JMJD1C: variants seen among roughly 807,000 people sequenced by gnomAD.
JMJD1C encodes the protein jumonji domain-containing protein 1C.
In JMJD1C, 31 loss-of-function variants were observed where a neutral mutation model predicts 245.3. The ratio of observed to expected loss-of-function variants is 0.13; its 90% CI spans 0.09 to 0.17. The LOEUF (loss-of-function observed/expected upper bound fraction) is 0.17. Ranked by LOEUF, JMJD1C falls within the 10% of genes least tolerant of loss-of-function variation. The probability of loss-of-function intolerance (pLI) is 1.00; values close to 1 mark genes in which losing one functional copy is unlikely to be tolerated. For synonymous variants in JMJD1C, 1,057 were observed against 1,017.4 expected (o/e 1.04, Z -0.74); for missense variants, 2,691 against 3,000.2 (o/e 0.90, Z 2.41).
chr10:63,340,643 C>T (rs1297292294), intron 2 of JMJD1C, among the ~76,000 whole-genome samples: 4 of 151,954 alleles, frequency 2.6e-5, no homozygotes, highest in Middle Eastern at 3.2e-3. Context: ...ATTAATATAA[C>T]GTGAAGAAAC....
At chr10:63,450,292 C>A (rs867818345) in intron 1 of JMJD1C, among the ~76,000 whole-genome samples, 1 of 151,572 alleles carries the variant, frequency 6.6e-6, no homozygotes, top group African/African-American at 2.4e-5. Context: ...AAGGCTGTGG[C>A]AGGAGGATCA....
intron 2 of JMJD1C, among the ~76,000 whole-genome samples, chr10:63,281,131 CTTT>C (rs754461363): frequency 1.3e-4 from 16 of 122,968 alleles, no homozygotes; most frequent in Admixed American, 3.3e-4. Flanking sequence ...CACACCCGGC[CTTT>C]TTTTTTTTTT....
At chr10:63,440,194 G>A (rs1428009331) in intron 1 of JMJD1C, among the ~76,000 whole-genome samples, 4 of 152,040 alleles carry the variant, frequency 2.6e-5, no homozygotes, top group African/African-American at 4.8e-5. Flanking sequence ...AATTAGCTAA[G>A]CATGGTGGCA....
At chr10:63,461,509 T>C (rs1386546731) in intron 1 of JMJD1C, among the ~76,000 whole-genome samples, 1 of 152,230 alleles carries the variant, frequency 6.6e-6, no homozygotes, top group African/African-American at 2.4e-5. Context: ...TTTATTTATA[T>C]GCGAAATCAT....
intron 10 of JMJD1C, among the ~76,000 whole-genome samples, chr10:63,205,325 A>G (rs996053157): frequency 5.9e-5 from 9 of 152,256 alleles, no homozygotes; most frequent in Non-Finnish European, 1.3e-4. Flanking sequence ...ACCAGATGAT[A>G]TAAGAGTGAA....
At position 63,465,921 on chromosome 10, in the gene JMJD1C, C is replaced by T. The variant is rs1279306586; in HGVS notation, c.-259G>A. ...AAGAAAACTGAAACAAAACCCAACG[C>T]GGCCGTCGAAGACCCCGAGGCAGCC... On this transcript the variant is annotated 5_prime_UTR_variant, in exon 1 of 26. Coordinates refer to ENST00000399262, the MANE Select transcript of JMJD1C (RefSeq NM_032776.3). 3.3e-6 allele frequency: 2 copies of T among 605,874 alleles called. No homozygotes were observed. The highest frequency in any genetic ancestry group is 2.4e-5 in the Admixed American group (1 of 42,108). The allele number at this position is 605,874 out of a possible 1,614,324, so 37.5% of individuals were successfully genotyped here. A position where few individuals can be genotyped will look rare whatever the true frequency, so the allele number is the denominator to read the frequency against.
intron 3 of JMJD1C, among the ~76,000 whole-genome samples, chr10:63,238,992 G>C (rs1439904987): frequency 6.6e-6 from 1 of 152,112 alleles, no homozygotes; most frequent in Non-Finnish European, 1.5e-5. Flanking sequence ...AGGATACAAA[G>C]GTGAGACAAA....
intron 2 of JMJD1C, among the ~76,000 whole-genome samples, chr10:63,288,662 G>T (rs1393002765): frequency 6.6e-6 from 1 of 151,942 alleles, no homozygotes; most frequent in East Asian, 1.9e-4. Context: ...CAGCACTTTG[G>T]GAGGCCAAGG....
chr10:63,509,198 T>G (rs1173289997), intron 1 of JMJD1C, among the ~76,000 whole-genome samples: 1 of 152,226 alleles, frequency 6.6e-6, no homozygotes, highest in African/African-American at 2.4e-5. Flanking sequence ...TGATTTTCCT[T>G]CTTTAGCCTG....
intron 13 of JMJD1C, among the ~76,000 whole-genome samples, chr10:63,195,007 G>A (rs1845279362): frequency 6.6e-6 from 1 of 152,026 alleles, no homozygotes; most frequent in African/African-American, 2.4e-5. Flanking sequence ...AGCTACTTAC[G>A]ACGTGGCTAC....
At chr10:63,383,419 C>T (rs7912506) in intron 1 of JMJD1C, among the ~76,000 whole-genome samples, 3,949 of 152,238 alleles carry the variant, frequency 0.026, 128 homozygotes, top group African/African-American at 0.072. Context: ...TAAAACCCAT[C>T]GTTAAGGGTA....
At chr10:63,511,661 G>A (rs1013702431) in intron 1 of JMJD1C, among the ~76,000 whole-genome samples, 16 of 152,222 alleles carry the variant, frequency 1.1e-4, no homozygotes. Context: ...GATGCAGTGA[G>A]TGCTGAGATC....
chr10:63,197,099 G>A (rs1403094151), intron 13 of JMJD1C, among the ~76,000 whole-genome samples: 1 of 152,018 alleles, frequency 6.6e-6, no homozygotes, highest in Admixed American at 6.6e-5. Flanking sequence ...ATGAGCCACA[G>A]TGCCCGGCCC....
intron 2 of JMJD1C, among the ~76,000 whole-genome samples, chr10:63,319,583 TC>T (rs1940591681): frequency 6.6e-6 from 1 of 152,138 alleles, no homozygotes. Flanking sequence ...AAAAATTATC[TC>T]CCTTCTTAGA....
chr10:63,321,738 A>T (rs917854535), intron 2 of JMJD1C, among the ~76,000 whole-genome samples: 3 of 152,228 alleles, frequency 2.0e-5, no homozygotes, highest in African/African-American at 7.2e-5. Context: ...CAAAGGTCTG[A>T]TACTTTACAA....
At chr10:63,269,785 G>A (rs1167727143) in intron 2 of JMJD1C, among the ~76,000 whole-genome samples, 1 of 152,220 alleles carries the variant, frequency 6.6e-6, no homozygotes, top group East Asian at 1.9e-4. Context: ...ATAGTTCTAA[G>A]ATACAATTTG....
chr10:63,271,643 C>G (rs1856315257), intron 2 of JMJD1C, among the ~76,000 whole-genome samples: 1 of 151,300 alleles, frequency 6.6e-6, no homozygotes, highest in Non-Finnish European at 1.5e-5. Flanking sequence ...CCACTGCCTC[C>G]TGGGTTCAAG....
Position 63,213,491 on chromosome 10 carries a change from A to G in JMJD1C, c.2676T>C (p.Ala892=), listed in dbSNP as rs772444823. 2 of 1,596,046 alleles carry G rather than the reference A, an allele frequency of 1.3e-6. No homozygotes were observed. The highest frequency in any genetic ancestry group is 4.5e-5 in the East Asian group (2 of 44,476). Residue 892 remains alanine (A), a synonymous_variant, in exon 8 of 26, where the codon GCT becomes GCC. Transcript: ENST00000399262. The part of the protein sequence containing the change: ...KWVHPENAVN[A]EASLRRNSPS... ...AACTTACCCTCCTTAATGAAGCTTC[A>G]GCATTAACTGCATTTTCTGGGTGAA...
intron 3 of JMJD1C, among the ~76,000 whole-genome samples, chr10:63,234,562 C>A (rs1366902675): frequency 1.5e-5 from 2 of 136,356 alleles, no homozygotes; most frequent in African/African-American, 5.8e-5. Flanking sequence ...AAAAAAAAAC[C>A]TTTTAATATG....
Sources: allele counts gnomAD v4.1 joint callset (sites outside exome capture counted in the v4.1 genomes callset), GRCh38; gene constraint gnomAD v4.1.1; transcripts MANE v1.5; gene names NCBI Gene and HGNC (gene_info 2026-07-23, HGNC 2026-07-21).